THSD7A: variants seen among roughly 807,000 people sequenced by gnomAD.
The protein encoded by THSD7A is thrombospondin type 1 domain containing 7A.
A neutral mutation model predicts 231.3 loss-of-function variants in THSD7A; 96 were observed. That is an observed-to-expected ratio of 0.41 (90% CI 0.35 to 0.49). The LOEUF is 0.49. Ranked by LOEUF, THSD7A falls within the 20% of genes least tolerant of loss-of-function variation. The pLI is 0.05. For synonymous variants in THSD7A, 940 were observed against 743.3 expected, an observed-to-expected ratio of 1.26 and a Z score of -4.30; for missense variants, 2,290 against 2,070.2, an observed-to-expected ratio of 1.11 and a Z score of -2.06.
In THSD7A at chr7:11,697,990, G is replaced by A. The variant is rs118092914; in HGVS notation, c.191-61029C>T. On this transcript the variant is annotated intron_variant, in intron 1 of 27. Transcript: ENST00000423059. ...ATATGTTAGTCATACGAATGCCCCAGTTGATCTGGAAGCTGTTGACTGTTT... is the reference window on the plus strand; with the variant it reads ...ATATGTTAGTCATACGAATGCCCCAATTGATCTGGAAGCTGTTGACTGTTT... 4.1e-3 allele frequency among the ~76,000 whole-genome samples: 615 copies of A among 151,462 alleles called. 6 individuals carry two copies. Among genetic ancestry groups the A allele is most frequent in the Middle Eastern group, 0.017 (5 of 294 alleles).
At chr7:11,822,608 CT>C (rs1784907828) in intron 1 of THSD7A, among the ~76,000 whole-genome samples, 1 of 151,924 alleles carries the variant, frequency 6.6e-6, no homozygotes, top group Non-Finnish European at 1.5e-5. Context: ...ATTTTTAGCT[CT>C]TTGAGAAATT....
intron 3 of THSD7A, among the ~76,000 whole-genome samples, chr7:11,592,581 A>G (rs1356995913): frequency 6.6e-6 from 1 of 152,234 alleles, no homozygotes; most frequent in Non-Finnish European, 1.5e-5. Context: ...TATTGAACAC[A>G]TATTTTGTAC....
chr7:11,631,373 A>G (rs113141461), intron 2 of THSD7A, among the ~76,000 whole-genome samples: 12 of 152,238 alleles, frequency 7.9e-5, no homozygotes, highest in African/African-American at 2.6e-4. Context: ...AATTGCCTTT[A>G]CTTCCTCATG....
chr7:11,546,913 T>C (rs1175785350), intron 4 of THSD7A, among the ~76,000 whole-genome samples: 2 of 152,110 alleles, frequency 1.3e-5, no homozygotes, highest in Non-Finnish European at 2.9e-5. Context: ...CATAACACAA[T>C]TGAAAGTATT....
At chr7:11,506,777 G>A (rs551134107) in intron 6 of THSD7A, among the ~76,000 whole-genome samples, 2 of 152,206 alleles carry the variant, frequency 1.3e-5, no homozygotes, top group Non-Finnish European at 2.9e-5. Context: ...TGGGAATTCT[G>A]ATGTTCAGCC....
rs190103387 is a variant in THSD7A at position 11,619,784 on chromosome 7, A to T, written c.1022+16346T>A. On this transcript the variant is annotated intron_variant, in intron 2 of 27. Transcript: ENST00000423059. ...AAAGGTAGAAAGAAATATAAATATC[A>T]AGTATTCCTGCTATCTAAATCAGTT... is the stretch of plus-strand genomic sequence containing the variant. Among the ~76,000 whole-genome samples the T allele has an allele frequency of 7.8e-4, 119 of 152,240 alleles. No individual in the cohort carries two copies. In the East Asian group the frequency reaches 0.019, roughly 25 times the overall value.
chr7:11,778,109 A>G (rs1190993835), intron 1 of THSD7A, among the ~76,000 whole-genome samples: 2 of 127,710 alleles, frequency 1.6e-5, no homozygotes, highest in African/African-American at 5.9e-5. Context: ...GTGAGCCGAG[A>G]TCCCGCCACT....
At chr7:11,414,316 T>G (rs952147055) in intron 17 of THSD7A, among the ~76,000 whole-genome samples, 2 of 152,246 alleles carry the variant, frequency 1.3e-5, no homozygotes, top group Non-Finnish European at 2.9e-5. Flanking sequence ...CCTTGGATCA[T>G]GCTAATGCCA....
chr7:11,714,512 A>G (rs1001186519), intron 1 of THSD7A, among the ~76,000 whole-genome samples: 2 of 151,248 alleles, frequency 1.3e-5, no homozygotes, highest in Non-Finnish European at 3.0e-5. Context: ...TGATTGAGTT[A>G]GTGTAAAATA....
chr7:11,791,606 C>T (rs1783953918), intron 1 of THSD7A, among the ~76,000 whole-genome samples: 6 of 151,954 alleles, frequency 3.9e-5, no homozygotes, highest in Admixed American at 3.9e-4. Flanking sequence ...TAAATTATAA[C>T]AACCTTGGTA....
At chr7:11,717,032 C>T (rs531458502) in intron 1 of THSD7A, among the ~76,000 whole-genome samples, 13 of 151,670 alleles carry the variant, frequency 8.6e-5, no homozygotes, top group African/African-American at 3.1e-4. Flanking sequence ...AGCTCACTTC[C>T]CCAAGAGTTC....
At chr7:11,729,821 A>T (rs1287917149) in intron 1 of THSD7A, among the ~76,000 whole-genome samples, 1 of 151,770 alleles carries the variant, frequency 6.6e-6, no homozygotes, top group East Asian at 1.9e-4. Flanking sequence ...GTACCCATGG[A>T]TACCATGTAC....
chr7:11,750,017 A>C (rs1425033842), intron 1 of THSD7A, among the ~76,000 whole-genome samples: 1 of 148,424 alleles, frequency 6.7e-6, no homozygotes, highest in Admixed American at 6.7e-5. Context: ...AAGTGGCCAG[A>C]ATTTTTTTTT....
In THSD7A at chr7:11,577,102, C is replaced by T. The variant is rs139256507; in HGVS notation, c.1453+13358G>A. 2.4e-3 allele frequency among the ~76,000 whole-genome samples: 372 copies of T among 152,184 alleles called. 1 individual carries two copies. The highest frequency in any genetic ancestry group is 8.5e-3 in the African/African-American group (352 of 41,516). Reference sequence around the variant, plus strand: ...GTATTAATGGGAAAACACTATCTACCGCAATATGTTGGGGACTTTTCTTAC... The same window carrying T: ...GTATTAATGGGAAAACACTATCTACTGCAATATGTTGGGGACTTTTCTTAC... On this transcript the variant is annotated intron_variant, in intron 4 of 27. Coordinates refer to ENST00000423059, the MANE Select transcript of THSD7A (RefSeq NM_015204.3).
chr7:11,772,134 G>T (rs1022531738), intron 1 of THSD7A, among the ~76,000 whole-genome samples: 3 of 151,966 alleles, frequency 2.0e-5, no homozygotes, highest in African/African-American at 7.3e-5. Context: ...CTAATCGTTA[G>T]AGAAATGCAA....
intron 7 of THSD7A, among the ~76,000 whole-genome samples, chr7:11,480,301 G>C (rs1212592935): frequency 6.6e-6 from 1 of 152,122 alleles, no homozygotes; most frequent in Non-Finnish European, 1.5e-5. Context: ...GATCTGGTGA[G>C]TTCTGCAAGC....
chr7:11,512,959 A>ATATATATATG (rs1449312863), intron 6 of THSD7A, among the ~76,000 whole-genome samples: 1 of 142,650 alleles, frequency 7.0e-6, no homozygotes, highest in Non-Finnish European at 1.5e-5. Flanking sequence ...ATATATATAT[A>ATATATATATG]TGTAAAATAC....
intron 1 of THSD7A, among the ~76,000 whole-genome samples, chr7:11,660,873 A>T (rs989806188): frequency 1.3e-5 from 2 of 151,498 alleles, no homozygotes; most frequent in Non-Finnish European, 3.0e-5. Context: ...AAAGCTGGAG[A>T]AATGTTTAAA....
At chr7:11,475,935 C>CTTT (rs553018024) in intron 7 of THSD7A, among the ~76,000 whole-genome samples, 60 of 110,758 alleles carry the variant, frequency 5.4e-4, no homozygotes, top group African/African-American at 1.7e-3. Context: ...AAATACTTTC[C>CTTT]TTTTTTTTTT....
Sources: allele counts gnomAD v4.1 joint callset (sites outside exome capture counted in the v4.1 genomes callset), GRCh38; gene constraint gnomAD v4.1.1; transcripts MANE v1.5; gene names NCBI Gene and HGNC (gene_info 2026-07-23, HGNC 2026-07-21).